Variants in HAO1 observed in about 807,000 individuals in gnomAD.
HAO1 encodes hydroxyacid oxidase 1, also known as 2-Hydroxyacid oxidase 1.
In HAO1, 34 loss-of-function variants were observed where a neutral mutation model predicts 39.7. The ratio of observed to expected loss-of-function variants is 0.86; its 90% CI spans 0.65 to 1.14. The LOEUF is 1.14. Among genes scored for constraint, HAO1 ranks in the 50% most tolerant of loss-of-function variants. The pLI is 0.00. For synonymous variants in HAO1, 172 were observed against 173.2 expected (o/e 0.99, Z 0.05); for missense variants, 479 against 464.5 (o/e 1.03, Z -0.29).
At chr20:7,924,669 C>T (rs2050350982) in intron 2 of HAO1, among the ~76,000 whole-genome samples, 1 of 151,930 alleles carries the variant, frequency 6.6e-6, no homozygotes, top group Non-Finnish European at 1.5e-5. Context: ...AATTTAGACC[C>T]AAATAATTTC....
At chr20:7,924,226 G>GTTGTTA (rs771187000) in intron 2 of HAO1, among the ~76,000 whole-genome samples, 1 of 146,126 alleles carries the variant, frequency 6.8e-6, no homozygotes, top group Admixed American at 7.0e-5. Context: ...TGTTGTTGTT[G>GTTGTTA]TTTGTTTGTT....
chr20:7,893,661 G>A (rs982372087), intron 5 of HAO1, among the ~76,000 whole-genome samples: 9 of 152,026 alleles, frequency 5.9e-5, no homozygotes, highest in Non-Finnish European at 1.3e-4. Flanking sequence ...AGGACAATTC[G>A]ACTCTCTATG....
At chr20:7,929,593 C>T (rs773387377) in intron 2 of HAO1, among the ~76,000 whole-genome samples, 7 of 152,142 alleles carry the variant, frequency 4.6e-5, no homozygotes, top group Non-Finnish European at 1.0e-4. Flanking sequence ...AGACAGGGCG[C>T]GGTGGCTCAC....
intron 2 of HAO1, among the ~76,000 whole-genome samples, chr20:7,930,475 C>T (rs1209241505): frequency 6.6e-6 from 1 of 152,132 alleles, no homozygotes. Context: ...CTTCAGTTAG[C>T]TATTATCCTG....
intron 4 of HAO1, among the ~76,000 whole-genome samples, chr20:7,902,103 G>A (rs1445702422): frequency 2.0e-5 from 3 of 152,208 alleles, no homozygotes; most frequent in Non-Finnish European, 4.4e-5. Context: ...TGAAGATGCT[G>A]TGAACATTGC....
intron 2 of HAO1, among the ~76,000 whole-genome samples, chr20:7,930,295 A>G: frequency 6.6e-6 from 1 of 152,166 alleles, no homozygotes; most frequent in East Asian, 1.9e-4. Flanking sequence ...CAATATTCCC[A>G]AGGACTGGCT....
At chr20:7,935,974 T>C (rs1482697820) in intron 1 of HAO1, among the ~76,000 whole-genome samples, 1 of 143,758 alleles carries the variant, frequency 7.0e-6, no homozygotes, top group East Asian at 1.9e-4. Flanking sequence ...GTAAATATAG[T>C]GAAGTATGAT....
intron 1 of HAO1, among the ~76,000 whole-genome samples, chr20:7,939,908 C>T (rs1044399466): frequency 1.3e-5 from 2 of 152,114 alleles, no homozygotes; most frequent in Admixed American, 6.5e-5. Context: ...CTGGTTCATC[C>T]GGATAAGATG....
chr20:7,938,631 C>A (rs1386270231), intron 1 of HAO1, among the ~76,000 whole-genome samples: 1 of 152,142 alleles, frequency 6.6e-6, no homozygotes, highest in African/African-American at 2.4e-5. Context: ...CATAGGTGAT[C>A]CATCTGCTTT....
At chr20:7,906,511 C>A (rs529510924) in intron 3 of HAO1, among the ~76,000 whole-genome samples, 182 bp from the exon 4 acceptor site, 1 of 152,088 alleles carries the variant, frequency 6.6e-6, no homozygotes, top group Non-Finnish European at 1.5e-5. Context: ...AAATGTGATA[C>A]TCTAGTGGTC....
chr20:7,884,017 T>C (rs1256462529), intron 7 of HAO1, among the ~76,000 whole-genome samples: 1 of 152,144 alleles, frequency 6.6e-6, no homozygotes, highest in Non-Finnish European at 1.5e-5. Context: ...CTGAGTACAG[T>C]AGTGAGTAGA....
At chr20:7,904,349 A>G (rs2050237725) in intron 4 of HAO1, among the ~76,000 whole-genome samples, 1 of 152,198 alleles carries the variant, frequency 6.6e-6, no homozygotes, top group African/African-American at 2.4e-5. Flanking sequence ...GCAAAGCATG[A>G]TTTCTGTAAA....
rs186617222 is a variant in HAO1 at position 7,910,136 on chromosome 20, A to T, written c.546-3807T>A. 2.1e-3 allele frequency among the ~76,000 whole-genome samples: 317 copies of T among 152,350 alleles called. 1 individual carries two copies. The highest frequency in any genetic ancestry group is 7.5e-3 in the African/African-American group (311 of 41,582). On this transcript the variant is annotated intron_variant, in intron 3 of 7. Transcript: ENST00000378789. ...CATGCCAGTGTTTTCAATGTTTAAGATATATAAATAAATAAAACAGTTAAG... is the reference window on the plus strand; with the variant it reads ...CATGCCAGTGTTTTCAATGTTTAAGTTATATAAATAAATAAAACAGTTAAG...
At chr20:7,897,033 G>C (rs1157647760) in intron 4 of HAO1, among the ~76,000 whole-genome samples, 1 of 152,114 alleles carries the variant, frequency 6.6e-6, no homozygotes, top group African/African-American at 2.4e-5. Context: ...ATCCAAGGGA[G>C]GTAAACTTAC....
chr20:7,909,142 G>C lies in HAO1; in HGVS notation c.546-2813C>G, dbSNP rs140053355. Among the ~76,000 whole-genome samples the C allele has an allele frequency of 6.7e-3, 1,014 of 151,844 alleles. 6 individuals are homozygous for C. Among genetic ancestry groups the C allele is most frequent in the Admixed American group, 0.011 (162 of 15,242 alleles). Reference sequence around the variant, plus strand: ...GGATAAAATTATATAAATAACTGTTGTTATTCTTGGATGGTGAAATGCGAA... The same window carrying C: ...GGATAAAATTATATAAATAACTGTTCTTATTCTTGGATGGTGAAATGCGAA... On this transcript the variant is annotated intron_variant, in intron 3 of 7. Coordinates refer to ENST00000378789, the MANE Select transcript of HAO1 (RefSeq NM_017545.3).
At chr20:7,930,908 C>T (rs1054257287) in intron 2 of HAO1, among the ~76,000 whole-genome samples, 3 of 152,166 alleles carry the variant, frequency 2.0e-5, no homozygotes, top group African/African-American at 7.2e-5. Context: ...CCATCTACTC[C>T]AGCCATTCAT....
chr20:7,896,141 T>TAA (rs11473859), intron 4 of HAO1, among the ~76,000 whole-genome samples: 28,723 of 152,088 alleles, frequency 0.19, 3,395 homozygotes, highest in East Asian at 0.55. Flanking sequence ...TTTCTGAAAG[T>TAA]TCAGTTTAAA....
At chr20:7,895,768 C>T (rs966684432) in intron 4 of HAO1, among the ~76,000 whole-genome samples, 6 of 152,082 alleles carry the variant, frequency 3.9e-5, no homozygotes, top group African/African-American at 1.2e-4. Flanking sequence ...AAAAAATTGG[C>T]CAGGTGCAGT....
intron 2 of HAO1, among the ~76,000 whole-genome samples, chr20:7,917,444 G>A (rs540116353): frequency 2.6e-5 from 4 of 152,036 alleles, no homozygotes; most frequent in African/African-American, 9.6e-5. Context: ...CTCTCCCAGG[G>A]CAATGATCTT....
Sources: allele counts gnomAD v4.1 joint callset (sites outside exome capture counted in the v4.1 genomes callset), GRCh38; gene constraint gnomAD v4.1.1; transcripts MANE v1.5; gene names NCBI Gene and HGNC (gene_info 2026-07-23, HGNC 2026-07-21).